The following TENM4 variants were observed in gnomAD, a reference collection of about 807,000 sequenced individuals.
TENM4 encodes the protein teneurin transmembrane protein 4.
A neutral mutation model predicts 243.3 loss-of-function variants in TENM4; 82 were observed. The ratio of observed to expected loss-of-function variants is 0.34; its 90% CI spans 0.28 to 0.40. The LOEUF (loss-of-function observed/expected upper bound fraction) is 0.40, where lower values mean the gene tolerates loss of function less well. Ranked by LOEUF, TENM4 falls within the 10% of genes least tolerant of loss-of-function variation. The pLI, the probability that TENM4 is intolerant of heterozygous loss-of-function variation, is 1.00. For synonymous variants in TENM4, 1,412 were observed against 1,456.3 expected, an observed-to-expected ratio of 0.97 and a Z score of 0.69; for missense variants, 3,138 against 3,673.3, an observed-to-expected ratio of 0.85 and a Z score of 3.77.
In TENM4 at chr11:79,078,764, T is replaced by G. The variant is rs1217328404; in HGVS notation, c.-65-8755A>C. On this transcript the variant is annotated intron_variant, in intron 4 of 33. Transcript: ENST00000278550. Reference sequence around the variant, plus strand: ...AAGGTCTTTATATGCATTACCTCACTGAGTTCTCACCACTCCCAAAACCAT... The same window carrying G: ...AAGGTCTTTATATGCATTACCTCACGGAGTTCTCACCACTCCCAAAACCAT... 1.3e-5 allele frequency among the ~76,000 whole-genome samples: 2 copies of G among 152,218 alleles called. 1 individual carries two copies. Among genetic ancestry groups the G allele is most frequent in the Admixed American group, 1.3e-4 (2 of 15,284 alleles).
intron 4 of TENM4, among the ~76,000 whole-genome samples, chr11:79,077,765 G>A (rs1356882357): frequency 6.6e-6 from 1 of 152,048 alleles, no homozygotes; most frequent in Non-Finnish European, 1.5e-5. Flanking sequence ...CAGCCTGGTA[G>A]AAGAAATAAA....
intron 3 of TENM4, among the ~76,000 whole-genome samples, chr11:79,188,900 A>G (rs1863426210): frequency 6.6e-6 from 1 of 152,208 alleles, no homozygotes; most frequent in Non-Finnish European, 1.5e-5. Context: ...GCAAGCATGC[A>G]TAATAAACAT....
intron 3 of TENM4, among the ~76,000 whole-genome samples, chr11:79,210,692 G>T (rs776981070): frequency 1.3e-5 from 2 of 152,160 alleles, no homozygotes; most frequent in Admixed American, 6.5e-5. Flanking sequence ...GGAAAACACC[G>T]CCAACTGCTG....
chr11:78,658,840 A>C, intron 33 of TENM4, 24 bp from the exon 34 acceptor site: 1 of 1,597,374 alleles, frequency 6.3e-7, no homozygotes, highest in Non-Finnish European at 8.6e-7. Context: ...AGAGTGAGAG[A>C]GAGAGTAAGA....
intron 3 of TENM4, among the ~76,000 whole-genome samples, chr11:79,171,136 G>GAGAAGAT (rs1863030594): frequency 1.3e-5 from 2 of 152,188 alleles, no homozygotes; most frequent in Admixed American, 6.5e-5. Context: ...TCTTACCTGT[G>GAGAAGAT]AGAAGATAAA....
At chr11:78,667,064 T>C (rs1858176177) in intron 32 of TENM4, among the ~76,000 whole-genome samples, 1 of 152,200 alleles carries the variant, frequency 6.6e-6, no homozygotes, top group Non-Finnish European at 1.5e-5. Context: ...GTGTGCTTAA[T>C]GCAGACAGAT....
intron 4 of TENM4, among the ~76,000 whole-genome samples, chr11:79,088,803 T>A (rs1488499207): frequency 1.3e-5 from 2 of 152,188 alleles, no homozygotes; most frequent in Non-Finnish European, 2.9e-5. Flanking sequence ...ACTAGAAACC[T>A]ACTATAGGCC....
At chr11:78,780,590 A>T (rs1056027283) in intron 16 of TENM4, among the ~76,000 whole-genome samples, 1 of 151,998 alleles carries the variant, frequency 6.6e-6, no homozygotes, top group Non-Finnish European at 1.5e-5. Flanking sequence ...GATGAAAAAA[A>T]CTTTCCTGAT....
At chr11:79,359,830 G>A (rs1011109995) in intron 1 of TENM4, among the ~76,000 whole-genome samples, 1 of 152,006 alleles carries the variant, frequency 6.6e-6, no homozygotes. Flanking sequence ...GAGAGCTCTG[G>A]GCCAGACAGG....
chr11:79,260,540 C>A (rs1351322649), intron 2 of TENM4, among the ~76,000 whole-genome samples: 2 of 152,168 alleles, frequency 1.3e-5, no homozygotes, highest in Admixed American at 1.3e-4. Flanking sequence ...GGTAATGGAA[C>A]CAGGGAACCT....
chr11:79,387,636 TCCCTA>T (rs11279944), intron 1 of TENM4, among the ~76,000 whole-genome samples: 43,834 of 98,590 alleles, frequency 0.44, 6,368 homozygotes, highest in African/African-American at 0.46. Flanking sequence ...TCCCTTCCCT[TCCCTA>T]CCCTATTGAA....
intron 32 of TENM4, among the ~76,000 whole-genome samples, chr11:78,663,950 G>A (rs1045394594): frequency 6.6e-6 from 1 of 152,154 alleles, no homozygotes; most frequent in Non-Finnish European, 1.5e-5. Flanking sequence ...GTGCTGAGGT[G>A]GAGTGGTGGT....
rs372222741 is a variant in TENM4 at position 78,881,066 on chromosome 11, C to T, written c.1084+8719G>A. On this transcript the variant is annotated intron_variant, in intron 9 of 33. Transcript: ENST00000278550. ...TTAATTTTCTGTATGTACATTATAT[C>T]TCAATAAATCTGATATGAAGGAAGT... 2.3e-4 allele frequency among the ~76,000 whole-genome samples: 35 copies of T among 152,304 alleles called. 2 individuals are homozygous for T. Among genetic ancestry groups the T allele is most frequent in the Admixed American group, 1.3e-3 (20 of 15,304 alleles).
intron 2 of TENM4, among the ~76,000 whole-genome samples, chr11:79,216,587 G>A (rs1262130626): frequency 6.6e-6 from 1 of 152,226 alleles, no homozygotes; most frequent in Non-Finnish European, 1.5e-5. Flanking sequence ...CTGCCTTGAT[G>A]AATGGATTAA....
chr11:78,898,067 G>A (rs767683103), intron 7 of TENM4, among the ~76,000 whole-genome samples: 4 of 152,184 alleles, frequency 2.6e-5, no homozygotes, highest in Non-Finnish European at 4.4e-5. Context: ...AAAAGAAGTG[G>A]ATCAGGGTTT....
At chr11:78,883,181 C>T (rs1443279302) in intron 9 of TENM4, among the ~76,000 whole-genome samples, 1 of 152,246 alleles carries the variant, frequency 6.6e-6, no homozygotes, top group Non-Finnish European at 1.5e-5. Context: ...TTATCACATG[C>T]TCTGTGTTTT....
intron 23 of TENM4, 150 bp from the exon 24 acceptor site, chr11:78,723,067 C>G (rs117214320): frequency 0.016 from 16,548 of 1,016,616 alleles, 167 homozygotes; most frequent in Non-Finnish European, 0.021. Flanking sequence ...CCTCACCCCC[C>G]CAATGGAACC....
intron 6 of TENM4, among the ~76,000 whole-genome samples, chr11:78,995,408 G>A (rs765632855): frequency 3.9e-5 from 6 of 152,160 alleles, no homozygotes; most frequent in Non-Finnish European, 7.3e-5. Flanking sequence ...CTCCCAGCTG[G>A]CAGGGAAAGT....
chr11:79,225,308 A>G (rs1864241681), intron 2 of TENM4, among the ~76,000 whole-genome samples: 2 of 151,948 alleles, frequency 1.3e-5, no homozygotes, highest in South Asian at 4.1e-4. Flanking sequence ...AAAGGGTCAG[A>G]AAAAATCTAA....
Sources: allele counts gnomAD v4.1 joint callset (sites outside exome capture counted in the v4.1 genomes callset), GRCh38; gene constraint gnomAD v4.1.1; transcripts MANE v1.5; gene names NCBI Gene and HGNC (gene_info 2026-07-23, HGNC 2026-07-21).